The following UQCRC2 variants were observed in gnomAD, a reference collection of about 807,000 sequenced individuals.
UQCRC2 encodes the protein cytochrome b-c1 complex subunit 2, mitochondrial.
UQCRC2 carries 49 observed loss-of-function variants against 55.6 expected under a neutral mutation model. The observed-to-expected ratio is 0.88, with a 90% confidence interval of 0.70 to 1.12. The LOEUF is 1.12. Ranked by LOEUF, UQCRC2 falls within the 50% of genes most tolerant of loss-of-function variation. The pLI is 0.00. For missense variants in UQCRC2, 506 were observed against 547.8 expected, an observed-to-expected ratio of 0.92 and a Z score of 0.76; for synonymous variants, 193 against 192.0, an observed-to-expected ratio of 1.01 and a Z score of -0.04.
At chr16:21,982,854 C>T (rs1898765640) in intron 13 of UQCRC2, among the ~76,000 whole-genome samples, 1 of 151,630 alleles carries the variant, frequency 6.6e-6, no homozygotes, top group South Asian at 2.1e-4. Context: ...AATCCCAGCT[C>T]CTTGGGAGGG....
chr16:21,973,564 T>A (rs2141943097), intron 10 of UQCRC2, among the ~76,000 whole-genome samples: 1 of 152,326 alleles, frequency 6.6e-6, no homozygotes, highest in East Asian at 1.9e-4. Context: ...GTCTGCCTAA[T>A]GCCAAAGCCT....
Position 21,968,602 on chromosome 16 carries a change from C to G in UQCRC2, c.613-26C>G, listed in dbSNP as rs771859641. 11 of 1,579,264 alleles carry G rather than the reference C, an allele frequency of 7.0e-6. No homozygotes were observed. In the South Asian group the frequency reaches 1.2e-4, roughly 17 times the overall value. ...CTTTTTATATTTATGCTAATATAAC[C>G]TAATAAGTGTTTTTAACTTCCTCAG... On this transcript the variant is annotated intron_variant, in intron 7 of 13. Coordinates refer to ENST00000268379, the MANE Select transcript of UQCRC2 (RefSeq NM_003366.4).
At chr16:21,962,214 T>C in intron 4 of UQCRC2, 1 of 496,392 alleles carries the variant, frequency 2.0e-6, no homozygotes, top group South Asian at 2.6e-5. Context: ...TAGCATAATG[T>C]CCTCAGGGTT....
chr16:21,968,483 T>G (rs112410716), intron 7 of UQCRC2, 145 bp from the exon 8 acceptor site: 1 of 540,546 alleles, frequency 1.8e-6, no homozygotes, highest in African/African-American at 2.0e-5. Flanking sequence ...CCAGGGTAAT[T>G]CACCTCAGTT....
At chr16:21,968,245 G>A (rs1250108993) in intron 7 of UQCRC2, among the ~76,000 whole-genome samples, 2 of 152,062 alleles carry the variant, frequency 1.3e-5, no homozygotes, top group African/African-American at 2.4e-5. Context: ...CAAATGATCC[G>A]CCAGCCTTGG....
chr16:21,957,704 A>G, intron 3 of UQCRC2, 138 bp downstream of exon 3: 1 of 1,284,536 alleles, frequency 7.8e-7, no homozygotes, highest in Non-Finnish European at 1.1e-6. Flanking sequence ...GGGTAGCTTA[A>G]ACCAAATAAG....
chr16:21,968,112 G>A lies in UQCRC2; in HGVS notation c.613-516G>A, dbSNP rs371519216. On this transcript the variant is annotated intron_variant, in intron 7 of 13. Transcript: ENST00000268379. ...TGCCTCCTGGATTCAAACAATTCTC[G>A]TGCCTCAGCCACCCATGTAGCTGGG... Among the ~76,000 whole-genome samples, 14 of 148,208 alleles carry A rather than the reference G, an allele frequency of 9.4e-5. No homozygotes were observed. The East Asian group carries it at 1.6e-3, about 17-fold the overall frequency.
At chr16:21,957,105 C>A in intron 1 of UQCRC2, 130 bp from the exon 2 acceptor site, 2 of 739,500 alleles carry the variant, frequency 2.7e-6, no homozygotes, top group South Asian at 1.9e-5. Context: ...GTAAATCCTC[C>A]CATGGAGGTG....
intron 9 of UQCRC2, 116 bp from the exon 10 acceptor site, chr16:21,971,807 C>A: frequency 6.9e-7 from 1 of 1,448,508 alleles, no homozygotes. Flanking sequence ...ATGGGGAAAG[C>A]ACCGAGCTGC....
chr16:21,957,327 C>A lies in UQCRC2; in HGVS notation c.117+9C>A. The A allele has an allele frequency of 6.2e-7, 1 of 1,614,010 alleles. No homozygotes were observed. Among genetic ancestry groups the A allele is most frequent in the Non-Finnish European group, 8.5e-7 (1 of 1,179,996 alleles). ...AACCTCAGGACCTTGAGGTTAGTCC[C>A]ACTAACTTGCTCGCTGGAAGCTATA... On this transcript the variant is annotated intron_variant, in intron 2 of 13. Transcript: ENST00000268379.
At chr16:21,953,663 C>T (rs547291477) in intron 1 of UQCRC2, among the ~76,000 whole-genome samples, 2 of 152,188 alleles carry the variant, frequency 1.3e-5, no homozygotes, top group Admixed American at 1.3e-4. Flanking sequence ...CACCGGGAAA[C>T]CTGAAGAGAG....
At chr16:21,961,331 A>C (rs931960821) in intron 4 of UQCRC2, 1 of 448,746 alleles carries the variant, frequency 2.2e-6, no homozygotes, top group African/African-American at 2.0e-5. Flanking sequence ...TCTTTAGGGA[A>C]ATGGGTAAAG....
rs139644967 is a variant in UQCRC2, at chr16:21,963,232, A to T, written c.514+347A>T. 4.3e-3 allele frequency: 730 copies of T among 169,676 alleles called. 35 individuals are homozygous for T. In the South Asian group the frequency reaches 0.084, roughly 20 times the overall value. 10.5% of individuals were successfully genotyped at this position (169,676 alleles called of 1,614,324 possible). A position where few individuals can be genotyped will look rare whatever the true frequency, so the allele number is the denominator to read the frequency against. On this transcript the variant is annotated intron_variant, in intron 6 of 13. Coordinates refer to ENST00000268379, the MANE Select transcript of UQCRC2 (RefSeq NM_003366.4). The stretch of plus-strand genomic sequence containing the variant: ...GTTCAGTCTTGAATTCCTGGCCTCA[A>T]GTGATCCACCCACCTCAGCCTCCCA...
chr16:21,982,895 C>T (rs1009095109), intron 13 of UQCRC2, among the ~76,000 whole-genome samples, 193 bp from the exon 14 acceptor site: 1 of 144,348 alleles, frequency 6.9e-6, no homozygotes, highest in African/African-American at 2.6e-5. Flanking sequence ...ACCTGGGAGG[C>T]GGAGGCTGCA....
At chr16:21,961,626 TTATATATATATATATA>T (rs67999727) in intron 4 of UQCRC2, among the ~76,000 whole-genome samples, 8,880 of 64,502 alleles carry the variant, frequency 0.14, 952 homozygotes, top group South Asian at 0.43. Flanking sequence ...AACATAAAAT[TTATATATATATATATA>T]TATATATATA....
At chr16:21,963,882 TTGAG>T (rs1898262385) in intron 6 of UQCRC2, among the ~76,000 whole-genome samples, 1 of 152,356 alleles carries the variant, frequency 6.6e-6, no homozygotes, top group South Asian at 2.1e-4. Context: ...CTCCTCTTTA[TTGAG>T]TCTTTCCAAA....
chr16:21,970,609 A>G (rs1286653961), intron 8 of UQCRC2, among the ~76,000 whole-genome samples: 1 of 152,134 alleles, frequency 6.6e-6, no homozygotes, highest in Non-Finnish European at 1.5e-5. Context: ...TTTTTGAGAC[A>G]GAGGCTTGCT....
chr16:21,965,315 C>A, intron 6 of UQCRC2, 93 bp from the exon 7 acceptor site: 2 of 1,242,596 alleles, frequency 1.6e-6, no homozygotes, highest in Admixed American at 1.9e-5. Context: ...AGAAGATGAC[C>A]AAATTTGTAT....
rs778935228 is a variant in UQCRC2, at chr16:21,976,155, T to A, written c.1048-12T>A. On this transcript the variant is annotated splice_polypyrimidine_tract_variant and intron_variant, in intron 11 of 13. Coordinates refer to ENST00000268379, the MANE Select transcript of UQCRC2 (RefSeq NM_003366.4). ...CTGACCACAGATGACCAACTTTTCT[T>A]ATCTGTCCTAGGTTATCAAGGCTGC... is the stretch of plus-strand genomic sequence containing the variant. The A allele has an allele frequency of 5.0e-6, 8 of 1,611,668 alleles. No individual in the cohort carries two copies. The Admixed American group carries it at 1.3e-4, about 27-fold the overall frequency.
Sources: gnomAD v4.1 joint callset for allele counts (sites outside exome capture counted in the v4.1 genomes callset) on GRCh38, gnomAD v4.1.1 for gene constraint, MANE v1.5 for transcripts, NCBI Gene and HGNC (gene_info 2026-07-23, HGNC 2026-07-21) for gene names.